MYLK: variants seen among roughly 807,000 people sequenced by gnomAD.
The protein encoded by MYLK is myosin light chain kinase, smooth muscle.
In MYLK, 106 loss-of-function variants were observed where a neutral mutation model predicts 203.4. That is an observed-to-expected ratio of 0.52 (90% CI 0.45 to 0.61). MYLK has a LOEUF of 0.61. MYLK is among the 20% of genes least tolerant of loss of function. MYLK has a pLI of 0.00. For missense variants in MYLK, 2,072 were observed against 2,442.3 expected (o/e 0.85, Z 3.20); for synonymous variants, 867 against 959.5 (o/e 0.90, Z 1.78).
chr3:123,833,799 G>A (rs2066406797), intron 2 of MYLK, among the ~76,000 whole-genome samples: 1 of 152,080 alleles, frequency 6.6e-6, no homozygotes, highest in African/African-American at 2.4e-5. Context: ...CTATCCCCGA[G>A]TTCCCTGACA....
At chr3:123,655,646 C>G (rs1332813678) in intron 24 of MYLK, among the ~76,000 whole-genome samples, 1 of 152,196 alleles carries the variant, frequency 6.6e-6, no homozygotes, top group Non-Finnish European at 1.5e-5. Context: ...GACCTCTTCC[C>G]TCAGTCTAAC....
At chr3:123,795,383 G>A (rs905851265) in intron 3 of MYLK, among the ~76,000 whole-genome samples, 2 of 152,122 alleles carry the variant, frequency 1.3e-5, no homozygotes, top group African/African-American at 4.8e-5. Context: ...ATCTATGCCC[G>A]AATTCCTAAA....
At chr3:123,675,054 G>T (rs1255356150) in intron 20 of MYLK, among the ~76,000 whole-genome samples, 1 of 152,168 alleles carries the variant, frequency 6.6e-6, no homozygotes, top group Non-Finnish European at 1.5e-5. Context: ...CTGTTAACCC[G>T]GGAATTCCCA....
At chr3:123,854,349 T>C (rs547921023) in intron 2 of MYLK, among the ~76,000 whole-genome samples, 9 of 152,168 alleles carry the variant, frequency 5.9e-5, no homozygotes, top group Non-Finnish European at 1.0e-4. Context: ...TCTTCCTGAC[T>C]CTGAATATGG....
At chr3:123,723,031 G>C (rs1357621089) in intron 12 of MYLK, among the ~76,000 whole-genome samples, 1 of 152,098 alleles carries the variant, frequency 6.6e-6, no homozygotes, top group Non-Finnish European at 1.5e-5. Context: ...ATGTTCCTGG[G>C]AGTTTATCAT....
intron 4 of MYLK, among the ~76,000 whole-genome samples, chr3:123,756,103 C>T (rs2063350723): frequency 6.6e-6 from 1 of 152,166 alleles, no homozygotes; most frequent in South Asian, 2.1e-4. Flanking sequence ...CACATGGCAG[C>T]TTAAATGGCA....
intron 4 of MYLK, among the ~76,000 whole-genome samples, chr3:123,766,710 C>T (rs866856442): frequency 3.9e-5 from 6 of 152,274 alleles, no homozygotes; most frequent in Admixed American, 1.3e-4. Context: ...TCTTGCTGAA[C>T]CAGAGTAGCT....
At chr3:123,638,023 CTGGTCCACCAAG>C (rs1028200140) in intron 29 of MYLK, 36 bp downstream of exon 29, 6 of 1,612,486 alleles carry the variant, frequency 3.7e-6, no homozygotes, top group African/African-American at 2.7e-5. Context: ...CCCCCACCCA[CTGGTCCACCAAG>C]TGGTCCACCA....
chr3:123,756,480 A>G (rs1156835522), intron 4 of MYLK, among the ~76,000 whole-genome samples: 1 of 152,122 alleles, frequency 6.6e-6, no homozygotes, highest in Non-Finnish European at 1.5e-5. Flanking sequence ...TTGGTGTCCT[A>G]GCTTTCTTGG....
At chr3:123,767,305 T>C (rs2063737378) in intron 4 of MYLK, among the ~76,000 whole-genome samples, 1 of 152,214 alleles carries the variant, frequency 6.6e-6, no homozygotes, top group Admixed American at 6.5e-5. Context: ...ATTCTTCGTC[T>C]GTTAAAAACA....
At chr3:123,697,435 G>A (rs540249302) in intron 18 of MYLK, among the ~76,000 whole-genome samples, 15 of 152,296 alleles carry the variant, frequency 9.8e-5, no homozygotes, top group East Asian at 5.8e-4. Context: ...TAACAAAATC[G>A]AGGAGTAAAT....
chr3:123,617,815 G>A (rs745573643), intron 33 of MYLK: 2 of 152,198 alleles, frequency 1.3e-5, no homozygotes, highest in South Asian at 4.1e-4. Flanking sequence ...AAATGGAAAC[G>A]CTTTGTGTCA....
rs148431931 is a variant in MYLK at position 123,782,263 on chromosome 3, T to C, written c.165+11414A>G. 8.2e-4 allele frequency among the ~76,000 whole-genome samples: 125 copies of C among 152,268 alleles called. 1 individual carries two copies. The highest frequency in any genetic ancestry group is 6.8e-3 in the Middle Eastern group (2 of 294). Reference sequence around the variant, plus strand: ...TGCAGAATACAACCCTCTTGGAATATGGAAATGGAAAGAAATGCAATGAGG... The same window carrying C: ...TGCAGAATACAACCCTCTTGGAATACGGAAATGGAAAGAAATGCAATGAGG... On this transcript the variant is annotated intron_variant, in intron 4 of 33. Coordinates refer to ENST00000360304, the MANE Select transcript of MYLK (RefSeq NM_053025.4).
At chr3:123,707,237 C>T (rs1408124165) in intron 16 of MYLK, among the ~76,000 whole-genome samples, 5 of 152,252 alleles carry the variant, frequency 3.3e-5, no homozygotes, top group South Asian at 2.1e-4. Flanking sequence ...GCCACAGTCA[C>T]GGGAGTGAGC....
intron 2 of MYLK, among the ~76,000 whole-genome samples, chr3:123,867,348 T>C (rs2032400975): frequency 6.7e-6 from 1 of 149,748 alleles, no homozygotes; most frequent in South Asian, 2.1e-4. Flanking sequence ...GGAAATAGGG[T>C]ATTTGCAGAT....
At chr3:123,735,733 C>G (rs1361190869) in intron 8 of MYLK, 3 of 368,584 alleles carry the variant, frequency 8.1e-6, no homozygotes, top group Non-Finnish European at 1.5e-5. Context: ...AAATTCCAAA[C>G]CCAAATGCTG....
intron 21 of MYLK, chr3:123,666,902 A>G: frequency 1.6e-6 from 1 of 609,954 alleles, no homozygotes; most frequent in Non-Finnish European, 2.9e-6. Flanking sequence ...TGCTGTCAAC[A>G]TGGGAGGCAG....
At chr3:123,663,226 G>A (rs1014317391) in intron 23 of MYLK, among the ~76,000 whole-genome samples, 14 of 152,110 alleles carry the variant, frequency 9.2e-5, no homozygotes, top group African/African-American at 2.9e-4. Context: ...ACCAGGGCAC[G>A]AAGACAGTGT....
intron 5 of MYLK, among the ~76,000 whole-genome samples, chr3:123,740,810 C>T (rs539541711): frequency 3.8e-4 from 58 of 152,382 alleles, no homozygotes; most frequent in African/African-American, 1.4e-3. Context: ...ATAGTAGGCG[C>T]TATCCTACTG....
Sources: gnomAD v4.1 joint callset for allele counts (sites outside exome capture counted in the v4.1 genomes callset) on GRCh38, gnomAD v4.1.1 for gene constraint, MANE v1.5 for transcripts, NCBI Gene and HGNC (gene_info 2026-07-23, HGNC 2026-07-21) for gene names.